TUT4: variants seen among roughly 807,000 people sequenced by gnomAD.
TUT4 encodes terminal uridylyl transferase 4.
In TUT4, 36 loss-of-function variants were observed where a neutral mutation model predicts 192.2. The observed-to-expected ratio is 0.19, with a 90% CI of 0.14 to 0.25. The LOEUF is 0.25. Among genes scored for constraint, TUT4 ranks in the 10% least tolerant of loss-of-function variants. TUT4 has a pLI of 1.00. For missense variants in TUT4, 1,493 were observed against 1,957.2 expected, an observed-to-expected ratio of 0.76 and a Z score of 4.47; for synonymous variants, 618 against 666.0, an observed-to-expected ratio of 0.93 and a Z score of 1.11.
At chr1:52,526,451 A>C (rs1681767778) in intron 1 of TUT4, 78 bp from the exon 2 acceptor site, 6 of 489,918 alleles carry the variant, frequency 1.2e-5, no homozygotes, top group Non-Finnish European at 3.1e-6. Context: ...ATTAAAAAAC[A>C]ATTTTTTAAA....
chr1:52,478,038 CAA>C (rs961764365), intron 11 of TUT4, among the ~76,000 whole-genome samples, 156 bp from the exon 12 acceptor site: 1 of 152,188 alleles, frequency 6.6e-6, no homozygotes, highest in African/African-American at 2.4e-5. Flanking sequence ...AAGCTGGGAA[CAA>C]AGTCCCAGTT....
At chr1:52,445,007 GTGTATATATA>G (rs752484597) in intron 24 of TUT4, among the ~76,000 whole-genome samples, 4 of 145,200 alleles carry the variant, frequency 2.8e-5, no homozygotes, top group Non-Finnish European at 6.0e-5. Context: ...ACATGTATGT[GTGTATATATA>G]TGTATATATG....
At chr1:52,425,002 C>CA (rs993929517) in intron 29 of TUT4, 229 of 167,300 alleles carry the variant, frequency 1.4e-3, no homozygotes, top group Middle Eastern at 2.6e-3. Flanking sequence ...CATCTCTAGG[C>CA]AAAAAAAAAA....
chr1:52,533,076 T>A (rs955518029), intron 1 of TUT4, among the ~76,000 whole-genome samples: 8 of 152,182 alleles, frequency 5.3e-5, no homozygotes, highest in African/African-American at 1.9e-4. Flanking sequence ...GTTCCAATAT[T>A]CTGCATTTCA....
At chr1:52,455,531 C>T (rs1008667031) in intron 20 of TUT4, among the ~76,000 whole-genome samples, 10 of 147,944 alleles carry the variant, frequency 6.8e-5, no homozygotes, top group African/African-American at 2.5e-4. Flanking sequence ...ATCACCTTAG[C>T]CTGGGAAGTT....
At chr1:52,463,233 C>T (rs1663114717) in intron 16 of TUT4, 1 of 986,796 alleles carries the variant, frequency 1.0e-6, no homozygotes, top group South Asian at 4.7e-5. Flanking sequence ...ATCTAAAACT[C>T]TAACCTCTTT....
At chr1:52,457,259 G>T (rs1403575421) in intron 20 of TUT4, among the ~76,000 whole-genome samples, 4 of 150,108 alleles carry the variant, frequency 2.7e-5, no homozygotes, top group African/African-American at 7.4e-5. Flanking sequence ...TTTTGAGATG[G>T]ACTCTCCCTC....
rs1314013092 is a variant in TUT4 at position 52,481,906 on chromosome 1, G to A, written c.1533C>T (p.Ser511=). Residue 511 remains serine (S), a synonymous_variant, in exon 10 of 30, where the codon TCC becomes TCT. Transcript: ENST00000257177. ...RYWAKLCYID[S]QTDGGIPSYC... ...AAGAAGGGATTCCACCATCAGTTTG[G>A]GAGTCAATATAGCACAACTGCAAAA... The A allele has an allele frequency of 1.3e-6, 2 of 1,584,036 alleles. No individual in the cohort carries two copies. The highest frequency in any genetic ancestry group is 1.4e-5 in the African/African-American group (1 of 73,226).
At chr1:52,548,902 C>T (rs943435180) in intron 1 of TUT4, among the ~76,000 whole-genome samples, 7 of 152,268 alleles carry the variant, frequency 4.6e-5, no homozygotes, top group African/African-American at 1.7e-4. Context: ...TTTTCTAGAG[C>T]TAAACTAGAA....
chr1:52,527,353 C>T (rs569519145), intron 1 of TUT4, among the ~76,000 whole-genome samples: 6 of 152,248 alleles, frequency 3.9e-5, no homozygotes, highest in Admixed American at 2.6e-4. Context: ...CAAGACCAGC[C>T]TGACCAACAT....
chr1:52,498,795 G>C (rs1435138860), intron 4 of TUT4, among the ~76,000 whole-genome samples: 2 of 148,950 alleles, frequency 1.3e-5, no homozygotes, highest in Non-Finnish European at 3.0e-5. Context: ...GCTGAGACAG[G>C]AGAATCGTTT....
rs1689902303 is a variant in TUT4, at chr1:52,553,052, TA to T, written c.-216del. 1.3e-5 allele frequency: 2 copies of T among 155,876 alleles called. No homozygotes were observed. Among genetic ancestry groups the T allele is most frequent in the South Asian group, 1.7e-4 (1 of 5,716 alleles). 9.7% of individuals were successfully genotyped at this position (155,876 alleles called of 1,614,324 possible). A position where few individuals can be genotyped will look rare whatever the true frequency, so the allele number is the denominator to read the frequency against. ...CCGCCGCTGGAGGCCGGGACACGAC[TA>T]GCTCAGGACTCCACCGCCATGTCCG... is the stretch of plus-strand genomic sequence containing the variant. On this transcript the variant is annotated 5_prime_UTR_variant, in exon 1 of 30. Coordinates refer to ENST00000257177, the MANE Select transcript of TUT4 (RefSeq NM_001009881.3).
chr1:52,432,990 G>C (rs772351710), intron 27 of TUT4: 3 of 152,408 alleles, frequency 2.0e-5, no homozygotes, highest in Middle Eastern at 3.4e-3. Context: ...ACTGCTAAAA[G>C]GCTGTTGAGA....
intron 20 of TUT4, among the ~76,000 whole-genome samples, chr1:52,453,040 T>G (rs1659887708): frequency 6.6e-6 from 1 of 152,144 alleles, no homozygotes; most frequent in African/African-American, 2.4e-5. Context: ...CCCAACACAT[T>G]TGGTCACAGA....
intron 11 of TUT4, among the ~76,000 whole-genome samples, chr1:52,478,301 C>A (rs1437048156): frequency 6.6e-6 from 1 of 152,196 alleles, no homozygotes; most frequent in Non-Finnish European, 1.5e-5. Flanking sequence ...ACTACTACAA[C>A]TCGTTTTTCC....
At chr1:52,499,919 A>T (rs565852173) in intron 4 of TUT4, among the ~76,000 whole-genome samples, 13 of 151,210 alleles carry the variant, frequency 8.6e-5, no homozygotes, top group East Asian at 1.9e-4. Context: ...AAATTAAAAA[A>T]ATATATATAC....
intron 14 of TUT4, 56 bp downstream of exon 14, chr1:52,471,896 T>C: frequency 6.6e-7 from 1 of 1,505,162 alleles, no homozygotes; most frequent in Admixed American, 2.2e-5. Flanking sequence ...AGAAAATTAA[T>C]ATTTAATATC....
chr1:52,498,333 C>CA (rs1479799855), intron 4 of TUT4, among the ~76,000 whole-genome samples: 8 of 151,482 alleles, frequency 5.3e-5, no homozygotes, highest in South Asian at 2.1e-4. Context: ...GCTCCGCCCC[C>CA]CCGGGGTTCA....
At chr1:52,452,070 G>A (rs75147470) in intron 20 of TUT4, among the ~76,000 whole-genome samples, 7 of 151,318 alleles carry the variant, frequency 4.6e-5, no homozygotes, top group East Asian at 4.0e-4. Flanking sequence ...CTCATCTTTC[G>A]AAGACAGAAG....
Sources: allele counts gnomAD v4.1 joint callset (sites outside exome capture counted in the v4.1 genomes callset), GRCh38; gene constraint gnomAD v4.1.1; transcripts MANE v1.5; gene names NCBI Gene and HGNC (gene_info 2026-07-23, HGNC 2026-07-21).